The following PARN variants were observed in gnomAD, a reference collection of about 807,000 sequenced individuals.
The protein encoded by PARN is poly(A)-specific ribonuclease.
A neutral mutation model predicts 102.8 loss-of-function variants in PARN; 71 were observed. That is an observed-to-expected ratio of 0.69 (90% confidence interval 0.57 to 0.84). PARN has a LOEUF of 0.84. Among genes scored for constraint, PARN ranks in the 40% least tolerant of loss-of-function variants. The pLI is 0.00. For synonymous variants in PARN, 261 were observed against 252.9 expected, an observed-to-expected ratio of 1.03 and a Z score of -0.30; for missense variants, 782 against 760.9, an observed-to-expected ratio of 1.03 and a Z score of -0.33.
At chr16:14,610,617 A>C (rs767188479) in intron 7 of PARN, 27 bp downstream of exon 7, 14 of 1,465,514 alleles carry the variant, frequency 9.6e-6, no homozygotes, top group Admixed American at 1.7e-5. Flanking sequence ...CACACAATGC[A>C]CGCTTAGTTT....
rs777483879 is a variant in PARN at position 14,482,674 on chromosome 16, G to A, written c.1634C>T (p.Pro545Leu). The change falls in exon 22 of 24, where the codon CCC becomes CTC. Residue 545 changes from proline (P) to leucine (L), a missense_variant. Physicochemically the swap from Pro to Leu is moderately conservative, Grantham distance 98. Transcript: ENST00000437198. ...GTAATAGTGATTCTGCAGGGTGTAG[G>A]GTATGCACTGGGGGTTTAACCGTTT... is the stretch of plus-strand genomic sequence containing the variant. The part of the protein sequence containing the change: ...DSKRLNPQCI[P>L]YTLQNHYYRN... 6.2e-7 allele frequency: 1 copy of A among 1,613,284 alleles called. No individual in the cohort carries two copies. The highest frequency in any genetic ancestry group is 1.3e-5 in the African/African-American group (1 of 74,872).
chr16:14,538,768 G>A (rs1966724964), intron 21 of PARN, among the ~76,000 whole-genome samples: 2 of 152,148 alleles, frequency 1.3e-5, no homozygotes, highest in South Asian at 4.1e-4. Context: ...AGCAGGAGAT[G>A]AGCAGCAGGT....
intron 22 of PARN, 46 bp downstream of exon 22, chr16:14,482,592 A>C: frequency 7.0e-7 from 1 of 1,428,662 alleles, no homozygotes; most frequent in Non-Finnish European, 9.5e-7. Flanking sequence ...AAGAAAAGCC[A>C]TTGCTAGAAC....
chr16:14,468,909 A>AGATAGAT (rs1221753259), intron 22 of PARN, among the ~76,000 whole-genome samples: 2 of 151,280 alleles, frequency 1.3e-5, no homozygotes, highest in African/African-American at 4.9e-5. Flanking sequence ...ATAGATAGAT[A>AGATAGAT]GATAGATAGA....
At position 14,476,987 on chromosome 16, in the gene PARN, G is replaced by A. The variant is rs140432997; in HGVS notation, c.1670+5651C>T. On this transcript the variant is annotated intron_variant, in intron 22 of 23. Coordinates refer to ENST00000437198, the MANE Select transcript of PARN (RefSeq NM_002582.4). ...CAAACAGGAAACAAACCACAAGATG[G>A]GAGGCAGACCTGTCCTCAACATTAA... Among the ~76,000 whole-genome samples, 310 of 152,290 alleles carry A rather than the reference G, an allele frequency of 2.0e-3. 1 individual carries two copies. Among genetic ancestry groups the A allele is most frequent in the African/African-American group, 7.1e-3 (295 of 41,570 alleles).
At chr16:14,625,431 A>G (rs1596922534) in intron 5 of PARN, among the ~76,000 whole-genome samples, 1 of 152,206 alleles carries the variant, frequency 6.6e-6, no homozygotes, top group African/African-American at 2.4e-5. Context: ...CAGGAGGCAG[A>G]GGTTACAGTG....
At chr16:14,442,979 A>AAT (rs1334647584) in intron 23 of PARN, among the ~76,000 whole-genome samples, 1 of 152,190 alleles carries the variant, frequency 6.6e-6, no homozygotes, top group Non-Finnish European at 1.5e-5. Context: ...CTTTGTAATG[A>AAT]ATCCTTCATT....
intron 21 of PARN, among the ~76,000 whole-genome samples, chr16:14,527,944 CAT>C (rs879306838): frequency 1.4e-4 from 22 of 152,300 alleles, no homozygotes; most frequent in South Asian, 4.1e-4. Flanking sequence ...GCTGGAAGCA[CAT>C]GTTGGGCAAT....
At chr16:14,553,918 C>A (rs1967489038) in intron 20 of PARN, 147 bp downstream of exon 20, 7 of 624,052 alleles carry the variant, frequency 1.1e-5, no homozygotes, top group Non-Finnish European at 2.0e-5. Context: ...ATAACAGTAT[C>A]CTAAACCAGA....
rs1348281051 is a variant in PARN at position 14,600,056 on chromosome 16, T to G, written c.784-96A>C. 20 of 667,444 alleles carry G rather than the reference T, an allele frequency of 3.0e-5. No homozygotes were observed. In the South Asian group the frequency reaches 4.6e-4, roughly 16 times the overall value. 41.3% of individuals were successfully genotyped at this position (667,444 alleles called of 1,614,324 possible). On this transcript the variant is annotated intron_variant, in intron 11 of 23. Transcript: ENST00000437198. ...CCAAAAAAAAGACACTGAAATTTTG[T>G]ATCAAGTTAGATAGCTTTAGTTTCC...
chr16:14,529,601 C>A (rs900294295), intron 21 of PARN, among the ~76,000 whole-genome samples: 1 of 152,090 alleles, frequency 6.6e-6, no homozygotes, highest in Non-Finnish European at 1.5e-5. Flanking sequence ...CACATCCATC[C>A]CCCTGGCTGT....
chr16:14,564,407 G>T (rs922241565), intron 18 of PARN, among the ~76,000 whole-genome samples: 1 of 152,200 alleles, frequency 6.6e-6, no homozygotes, highest in East Asian at 1.9e-4. Flanking sequence ...AAGGCAACAG[G>T]AACAACACGC....
At chr16:14,569,351 A>T (rs1968644387) in intron 18 of PARN, among the ~76,000 whole-genome samples, 1 of 152,208 alleles carries the variant, frequency 6.6e-6, no homozygotes, top group South Asian at 2.1e-4. Flanking sequence ...TCTACATGCC[A>T]CACCCAACAC....
intron 21 of PARN, among the ~76,000 whole-genome samples, chr16:14,491,601 C>T (rs901815483): frequency 6.6e-6 from 1 of 151,882 alleles, no homozygotes; most frequent in Non-Finnish European, 1.5e-5. Flanking sequence ...CCCATCTCTA[C>T]AACATAAAAC....
At chr16:14,582,000 C>T (rs1268934960) in intron 17 of PARN, among the ~76,000 whole-genome samples, 181 bp downstream of exon 17, 1 of 152,212 alleles carries the variant, frequency 6.6e-6, no homozygotes, top group Non-Finnish European at 1.5e-5. Flanking sequence ...GGGCTCTCAC[C>T]AGATACTAGG....
intron 18 of PARN, among the ~76,000 whole-genome samples, chr16:14,560,884 G>A (rs1201427801): frequency 1.3e-5 from 2 of 152,218 alleles, no homozygotes; most frequent in Non-Finnish European, 2.9e-5. Context: ...GGCCGGGCGC[G>A]GTGGCTCACG....
chr16:14,530,975 T>TCATTCATCCATCCATC (rs769620034), intron 21 of PARN, among the ~76,000 whole-genome samples: 1 of 151,374 alleles, frequency 6.6e-6, no homozygotes, highest in African/African-American at 2.4e-5. Flanking sequence ...ATTCATTCAT[T>TCATTCATCCATCCATC]CATCCATCCA....
intron 23 of PARN, among the ~76,000 whole-genome samples, chr16:14,443,978 C>T (rs1332284197): frequency 6.6e-6 from 1 of 152,184 alleles, no homozygotes; most frequent in Non-Finnish European, 1.5e-5. Flanking sequence ...CAGACCTTCG[C>T]GGCTCCTGGC....
intron 18 of PARN, among the ~76,000 whole-genome samples, chr16:14,566,432 A>G (rs537754510): frequency 6.6e-6 from 1 of 152,308 alleles, no homozygotes; most frequent in East Asian, 1.9e-4. Flanking sequence ...CAGAGGAGAC[A>G]AGGACAGATT....
Sources: gnomAD v4.1 joint callset for allele counts (sites outside exome capture counted in the v4.1 genomes callset) on GRCh38, gnomAD v4.1.1 for gene constraint, MANE v1.5 for transcripts, NCBI Gene and HGNC (gene_info 2026-07-23, HGNC 2026-07-21) for gene names.